MAP2K4: variants seen among roughly 807,000 people sequenced by gnomAD.
MAP2K4 encodes dual specificity mitogen-activated protein kinase kinase 4.
Under a neutral mutation model 48.5 loss-of-function variants are expected in MAP2K4, and 4 were observed. That is an observed-to-expected ratio of 0.08 (90% CI 0.04 to 0.19). The LOEUF (loss-of-function observed/expected upper bound fraction) is 0.19, where lower values mean the gene tolerates loss of function less well. Ranked by LOEUF, MAP2K4 falls within the 10% of genes least tolerant of loss-of-function variation. MAP2K4 has a pLI of 1.00. For synonymous variants in MAP2K4, 166 were observed against 173.1 expected (o/e 0.96, Z 0.32); for missense variants, 258 against 493.3 (o/e 0.52, Z 4.52).
chr17:12,105,263 G>A (rs759879437), intron 4 of MAP2K4, among the ~76,000 whole-genome samples: 4 of 152,058 alleles, frequency 2.6e-5, no homozygotes, highest in Non-Finnish European at 5.9e-5. Context: ...AGAATTTGAC[G>A]TGCTTCTCAT....
At chr17:12,084,031 A>T (rs1183061247) in intron 3 of MAP2K4, among the ~76,000 whole-genome samples, 2 of 152,178 alleles carry the variant, frequency 1.3e-5, no homozygotes, top group African/African-American at 4.8e-5. Flanking sequence ...GATCCTTAAG[A>T]TTTACTTGCA....
chr17:12,134,315 A>G (rs576517109), intron 9 of MAP2K4, among the ~76,000 whole-genome samples: 58 of 152,320 alleles, frequency 3.8e-4, no homozygotes, highest in African/African-American at 1.4e-3. Context: ...CTAAACAAAT[A>G]TTTCCTTTAA....
At chr17:12,066,382 T>G (rs1970617334) in intron 2 of MAP2K4, among the ~76,000 whole-genome samples, 1 of 152,194 alleles carries the variant, frequency 6.6e-6, no homozygotes, top group African/African-American at 2.4e-5. Context: ...TCAGAATACA[T>G]AATTTATATA....
intron 1 of MAP2K4, among the ~76,000 whole-genome samples, chr17:12,041,388 A>C (rs1431625335): frequency 6.6e-6 from 1 of 152,184 alleles, no homozygotes; most frequent in Non-Finnish European, 1.5e-5. Context: ...TTTAAATTTG[A>C]CTGTGAATTG....
intron 2 of MAP2K4, among the ~76,000 whole-genome samples, chr17:12,068,028 T>G (rs561374958): frequency 6.6e-6 from 1 of 152,276 alleles, no homozygotes; most frequent in East Asian, 1.9e-4. Flanking sequence ...TTACTAGATT[T>G]GGGGAAGGGA....
chr17:12,047,529 A>G (rs367723799), intron 1 of MAP2K4, among the ~76,000 whole-genome samples: 9 of 152,336 alleles, frequency 5.9e-5, no homozygotes, highest in African/African-American at 1.4e-4. Flanking sequence ...CTGCTAGTCT[A>G]TATTGATTTC....
intron 4 of MAP2K4, among the ~76,000 whole-genome samples, chr17:12,105,736 TAAG>T (rs528737862): frequency 5.9e-5 from 9 of 152,108 alleles, no homozygotes; most frequent in Non-Finnish European, 1.3e-4. Context: ...GTCAGAGAGA[TAAG>T]AAGGTTACAT....
intron 4 of MAP2K4, among the ~76,000 whole-genome samples, chr17:12,105,862 A>C (rs1222328106): frequency 2.0e-5 from 3 of 151,766 alleles, no homozygotes; most frequent in Non-Finnish European, 4.4e-5. Flanking sequence ...TCCCACTCCC[A>C]TGTCCATCTT....
At chr17:12,139,336 C>G (rs1218795300) in intron 9 of MAP2K4, among the ~76,000 whole-genome samples, 3 of 152,056 alleles carry the variant, frequency 2.0e-5, no homozygotes, top group East Asian at 3.9e-4. Flanking sequence ...ACTTTTGGAC[C>G]AAAGAACATA....
At chr17:12,068,722 AT>A (rs1457248463) in intron 2 of MAP2K4, among the ~76,000 whole-genome samples, 1 of 151,778 alleles carries the variant, frequency 6.6e-6, no homozygotes. Flanking sequence ...GTGACATTTT[AT>A]TAGGGATATC....
At chr17:12,027,874 A>G (rs890799031) in intron 1 of MAP2K4, among the ~76,000 whole-genome samples, 3 of 152,032 alleles carry the variant, frequency 2.0e-5, no homozygotes, top group Non-Finnish European at 2.9e-5. Flanking sequence ...AAGGAGAAAG[A>G]CTGGTTTTGT....
rs771593943 is a variant in MAP2K4 at position 12,125,262 on chromosome 17, A to G, written c.814-32A>G. 7.1e-6 allele frequency: 11 copies of G among 1,555,450 alleles called. No homozygotes were observed. The South Asian group carries it at 1.0e-4, about 14-fold the overall frequency. ...TTGCCTATTCCTTGAGTGTAAGGCA[A>G]TTAATAACTTACACTTGTCTTTATG... is the stretch of plus-strand genomic sequence containing the variant. On this transcript the variant is annotated intron_variant, in intron 7 of 10. Transcript: ENST00000353533.
rs568343365 is a variant in MAP2K4, at chr17:12,095,540, G to A, written c.394-35G>A. On this transcript the variant is annotated intron_variant, in intron 3 of 10. Coordinates refer to ENST00000353533, the MANE Select transcript of MAP2K4 (RefSeq NM_003010.4). ...TATTGGTGTTTTTGACAAAATTATT[G>A]TGTTTTTTTGACATCTTTTGTCATT... 28 of 1,611,752 alleles carry A rather than the reference G, an allele frequency of 1.7e-5. No homozygotes were observed. In the African/African-American group the frequency reaches 3.1e-4, roughly 18 times the overall value.
chr17:12,029,633 G>A (rs1969369351), intron 1 of MAP2K4, among the ~76,000 whole-genome samples: 1 of 152,068 alleles, frequency 6.6e-6, no homozygotes, highest in African/African-American at 2.4e-5. Context: ...GGAGACAAGG[G>A]AGACTTCAAA....
At chr17:12,120,076 A>G (rs904807371) in intron 7 of MAP2K4, among the ~76,000 whole-genome samples, 5 of 152,224 alleles carry the variant, frequency 3.3e-5, no homozygotes, top group Admixed American at 6.5e-5. Context: ...TGGGTGACCA[A>G]ATGGTCTGTA....
At chr17:12,024,401 T>C (rs1969191447) in intron 1 of MAP2K4, among the ~76,000 whole-genome samples, 1 of 152,216 alleles carries the variant, frequency 6.6e-6, no homozygotes, top group South Asian at 2.1e-4. Flanking sequence ...TAATAGGGAA[T>C]AGCTGCTAAT....
intron 4 of MAP2K4, among the ~76,000 whole-genome samples, chr17:12,103,192 A>C (rs911165182): frequency 1.3e-5 from 2 of 150,380 alleles, no homozygotes; most frequent in Admixed American, 6.6e-5. Flanking sequence ...GGCATGCACT[A>C]CCACCACCCT....
chr17:12,139,733 T>TGAAGGAAA (rs1973316700), intron 9 of MAP2K4, 106 bp from the exon 10 acceptor site: 1 of 766,806 alleles, frequency 1.3e-6, no homozygotes. Context: ...ACTTTGGATC[T>TGAAGGAAA]GAAGGAAAGA....
At chr17:12,130,370 A>G (rs1332658402) in intron 9 of MAP2K4, among the ~76,000 whole-genome samples, 1 of 152,206 alleles carries the variant, frequency 6.6e-6, no homozygotes, top group Non-Finnish European at 1.5e-5. Flanking sequence ...AAAACAATCA[A>G]TTCTGTACTA....
Sources: allele counts gnomAD v4.1 joint callset (sites outside exome capture counted in the v4.1 genomes callset), GRCh38; gene constraint gnomAD v4.1.1; transcripts MANE v1.5; gene names NCBI Gene and HGNC (gene_info 2026-07-23, HGNC 2026-07-21).